VWA8: variants seen among roughly 807,000 people sequenced by gnomAD.
The protein encoded by VWA8 is von Willebrand factor A domain containing 8, also known as von Willebrand factor A domain-containing protein 8.
VWA8 carries 221 observed loss-of-function variants against 241.5 expected under a neutral mutation model. The observed-to-expected ratio is 0.91, with a 90% confidence interval of 0.82 to 1.02. The LOEUF (loss-of-function observed/expected upper bound fraction) is 1.02. Among genes scored for constraint, VWA8 ranks in the 50% least tolerant of loss-of-function variants. The pLI is 0.00. For missense variants in VWA8, 2,322 were observed against 2,328.7 expected, an observed-to-expected ratio of 1.00 and a Z score of 0.06; for synonymous variants, 852 against 827.1, an observed-to-expected ratio of 1.03 and a Z score of -0.52.
chr13:41,575,215 G>C (rs1026286682), intron 43 of VWA8, among the ~76,000 whole-genome samples: 1 of 152,024 alleles, frequency 6.6e-6, no homozygotes, highest in Non-Finnish European at 1.5e-5. Context: ...AAGCTATGAG[G>C]ACACAAAGAC....
intron 37 of VWA8, among the ~76,000 whole-genome samples, chr13:41,658,265 C>A (rs1004312239): frequency 7.9e-5 from 12 of 152,124 alleles, no homozygotes; most frequent in Non-Finnish European, 1.8e-4. Context: ...TTGAGGCCAG[C>A]CTAGGCAAAA....
At position 41,960,879 on chromosome 13, in the gene VWA8, AAC is replaced by A. The variant is rs1240810124; in HGVS notation, c.135_136del (p.Leu46AlafsTer10). On this transcript the variant is annotated frameshift_variant, in exon 1 of 45. Transcript: ENST00000379310. LOFTEE classifies it high-confidence loss of function. ...TGTGTCGGCCCCCGAGCCGGCGTGC[AAC>A]AGTCTGACCTCCGGCCGCTGCCTGT... 1.3e-6 allele frequency: 2 copies of A among 1,519,208 alleles called. No individual in the cohort carries two copies. Among genetic ancestry groups the A allele is most frequent in the Non-Finnish European group, 1.8e-6 (2 of 1,139,476 alleles). The allele number at this position is 1,519,208 out of a possible 1,614,324, so 94.1% of individuals were successfully genotyped here. A position where few individuals can be genotyped will look rare whatever the true frequency, so the allele number is the denominator to read the frequency against.
intron 14 of VWA8, among the ~76,000 whole-genome samples, chr13:41,830,210 T>C (rs1444860818): frequency 5.7e-5 from 8 of 141,586 alleles, no homozygotes; most frequent in African/African-American, 2.2e-4. Context: ...GCCACCGCAC[T>C]CCAGCCTGGG....
At chr13:41,919,292 A>G (rs1457717122) in intron 2 of VWA8, among the ~76,000 whole-genome samples, 1 of 152,170 alleles carries the variant, frequency 6.6e-6, no homozygotes, top group Non-Finnish European at 1.5e-5. Context: ...GGACACTACC[A>G]GCTCGCATCA....
chr13:41,795,654 TG>T (rs1357139799), intron 17 of VWA8, among the ~76,000 whole-genome samples: 2 of 152,134 alleles, frequency 1.3e-5, no homozygotes, highest in African/African-American at 4.8e-5. Flanking sequence ...GGGACATGGA[TG>T]GAACTGGAAG....
At chr13:41,791,288 G>T (rs1338787609) in intron 17 of VWA8, among the ~76,000 whole-genome samples, 1 of 151,922 alleles carries the variant, frequency 6.6e-6, no homozygotes, top group Middle Eastern at 3.4e-3. Flanking sequence ...ATTTCTAGTT[G>T]AAAGGGTCAT....
At chr13:41,790,559 A>C (rs999687778) in intron 17 of VWA8, among the ~76,000 whole-genome samples, 1 of 152,060 alleles carries the variant, frequency 6.6e-6, no homozygotes, top group African/African-American at 2.4e-5. Flanking sequence ...ACTGTGTCTA[A>C]AATTTCTGTG....
chr13:41,758,079 T>C (rs1475975543), intron 21 of VWA8, among the ~76,000 whole-genome samples: 3 of 151,210 alleles, frequency 2.0e-5, no homozygotes, highest in South Asian at 2.1e-4. Context: ...ATACTGAGGA[T>C]ACTGAGGGGG....
chr13:41,836,703 A>G (rs1023236325), intron 12 of VWA8, among the ~76,000 whole-genome samples: 5 of 152,162 alleles, frequency 3.3e-5, no homozygotes, highest in Admixed American at 3.3e-4. Flanking sequence ...ATACTAACAG[A>G]GATGATGAAA....
At chr13:41,704,344 G>C (rs904349957) in intron 26 of VWA8, among the ~76,000 whole-genome samples, 1 of 152,128 alleles carries the variant, frequency 6.6e-6, no homozygotes, top group African/African-American at 2.4e-5. Context: ...ATTTCTGATG[G>C]AATCATTCTG....
intron 2 of VWA8, among the ~76,000 whole-genome samples, chr13:41,918,420 T>C (rs1566038903): frequency 6.6e-6 from 1 of 152,206 alleles, no homozygotes. Context: ...CTAAGTGTCA[T>C]GTTGTTCACT....
At position 41,689,516 on chromosome 13, in the gene VWA8, G is replaced by A; in HGVS notation, c.3977-8C>T. On this transcript the variant is annotated splice_polypyrimidine_tract_variant and splice_region_variant and intron_variant, in intron 33 of 44. Transcript: ENST00000379310. Reference sequence around the variant, plus strand: ...GTATGCTGAACTCTGTTTCTGAAAAGTACAAACATTAGACACCATATGCTC... The same window carrying A: ...GTATGCTGAACTCTGTTTCTGAAAAATACAAACATTAGACACCATATGCTC... 6.2e-7 allele frequency: 1 copy of A among 1,600,430 alleles called. No individual in the cohort carries two copies. The highest frequency in any genetic ancestry group is 8.5e-7 in the Non-Finnish European group (1 of 1,174,332).
chr13:41,913,022 AACAATGAATAAAT>A (rs1203392544), intron 2 of VWA8, among the ~76,000 whole-genome samples: 4 of 152,220 alleles, frequency 2.6e-5, no homozygotes, highest in African/African-American at 9.6e-5. Flanking sequence ...CTGGAGACAG[AACAATGAATAAAT>A]ACACAGAATG....
intron 2 of VWA8, among the ~76,000 whole-genome samples, chr13:41,914,578 TA>T (rs1312684604): frequency 1.3e-5 from 2 of 152,230 alleles, no homozygotes; most frequent in Non-Finnish European, 2.9e-5. Context: ...TCTTTATTAG[TA>T]AAACTACACA....
intron 1 of VWA8, among the ~76,000 whole-genome samples, chr13:41,952,604 A>G (rs745966841): frequency 6.6e-5 from 10 of 152,220 alleles, no homozygotes; most frequent in Non-Finnish European, 1.3e-4. Flanking sequence ...TAATCTGAAC[A>G]TAAGAAAAAC....
In VWA8 at chr13:41,593,435, A is replaced by T. The variant is rs561258705; in HGVS notation, c.4987-2670T>A. Among the ~76,000 whole-genome samples, 511 of 152,304 alleles carry T rather than the reference A, an allele frequency of 3.4e-3. 1 individual carries two copies. Among genetic ancestry groups the T allele is most frequent in the Non-Finnish European group, 5.2e-3 (357 of 68,026 alleles). On this transcript the variant is annotated intron_variant, in intron 40 of 44. Coordinates refer to ENST00000379310, the MANE Select transcript of VWA8 (RefSeq NM_015058.2). ...TCATGTAAAACTTGATCAGATACCC[A>T]GCTACGGGTGGCAAGAGGAAGGAAT...
chr13:41,810,410 C>A (rs557532932), intron 17 of VWA8, among the ~76,000 whole-genome samples: 3 of 152,036 alleles, frequency 2.0e-5, no homozygotes, highest in African/African-American at 7.2e-5. Flanking sequence ...TAATGTTGTA[C>A]ACACACACAA....
intron 21 of VWA8, among the ~76,000 whole-genome samples, chr13:41,750,267 T>C (rs558971985): frequency 1.3e-5 from 2 of 151,976 alleles, no homozygotes; most frequent in South Asian, 4.2e-4. Flanking sequence ...ACCCTGTCTC[T>C]ACTAAAAATA....
At chr13:41,927,642 CAT>C (rs1876913416) in intron 2 of VWA8, among the ~76,000 whole-genome samples, 1 of 151,014 alleles carries the variant, frequency 6.6e-6, no homozygotes, top group African/African-American at 2.4e-5. Flanking sequence ...GAAATCAAAG[CAT>C]AGTGTTATAG....
Sources: gnomAD v4.1 joint callset for allele counts (sites outside exome capture counted in the v4.1 genomes callset) on GRCh38, gnomAD v4.1.1 for gene constraint, MANE v1.5 for transcripts, NCBI Gene and HGNC (gene_info 2026-07-23, HGNC 2026-07-21) for gene names.